The following ACOXL variants were observed in gnomAD, a reference collection of about 807,000 sequenced individuals.
ACOXL encodes acyl-coenzyme A oxidase-like protein.
ACOXL carries 70 observed loss-of-function variants against 71.9 expected under a neutral mutation model. The ratio of observed to expected loss-of-function variants is 0.97; its 90% CI spans 0.80 to 1.19. ACOXL has a LOEUF of 1.19. ACOXL is among the 50% of genes most tolerant of loss of function. The probability of loss-of-function intolerance (pLI) is 0.00; values close to 1 mark genes in which losing one functional copy is unlikely to be tolerated. For missense variants in ACOXL, 703 were observed against 736.3 expected, an observed-to-expected ratio of 0.95 and a Z score of 0.52; for synonymous variants, 253 against 281.6, an observed-to-expected ratio of 0.90 and a Z score of 1.02.
intron 12 of ACOXL, among the ~76,000 whole-genome samples, chr2:110,960,694 T>TG (rs35538999): frequency 0.12 from 16,779 of 137,594 alleles, 1,072 homozygotes; most frequent in Middle Eastern, 0.19. Flanking sequence ...ATAAATTTTC[T>TG]GGGTTTTTTT....
intron 15 of ACOXL, among the ~76,000 whole-genome samples, chr2:111,048,929 G>A (rs902951548): frequency 5.9e-5 from 9 of 152,180 alleles, no homozygotes; most frequent in African/African-American, 2.2e-4. Flanking sequence ...GGGACAAGAT[G>A]ACCCAAAAGG....
chr2:110,808,881 C>T (rs1049911326), intron 9 of ACOXL, among the ~76,000 whole-genome samples: 3 of 152,240 alleles, frequency 2.0e-5, no homozygotes, highest in East Asian at 1.9e-4. Flanking sequence ...AAAAGCTCCA[C>T]GCAGCTGGGG....
intron 12 of ACOXL, among the ~76,000 whole-genome samples, chr2:110,950,705 C>T (rs1177801797): frequency 6.6e-6 from 1 of 151,844 alleles, no homozygotes; most frequent in African/African-American, 2.4e-5. Context: ...TTGTGATCAT[C>T]TTACATCTTA....
chr2:110,750,628 T>C (rs1181922103), intron 1 of ACOXL, among the ~76,000 whole-genome samples: 1 of 149,040 alleles, frequency 6.7e-6, no homozygotes, highest in Non-Finnish European at 1.5e-5. Context: ...ATATACATAT[T>C]ATATATAAAC....
intron 9 of ACOXL, among the ~76,000 whole-genome samples, chr2:110,812,213 C>T (rs1262869917): frequency 6.6e-6 from 1 of 152,172 alleles, no homozygotes; most frequent in African/African-American, 2.4e-5. Context: ...CATATGTTTG[C>T]AGCATTTTGG....
intron 1 of ACOXL, among the ~76,000 whole-genome samples, chr2:110,752,554 T>G (rs561753240): frequency 6.6e-6 from 1 of 151,136 alleles, no homozygotes; most frequent in Non-Finnish European, 1.5e-5. Context: ...AGGGGGATCT[T>G]GTATGCTGGT....
rs193151657 is a variant in ACOXL, at chr2:111,117,811, C to T, written c.1738C>T (p.Leu580Phe). ...CCGGCGGCCCAAGCTGGGAGCCAAG[C>T]TCTAACGGGTGTGGCGGGAAGTGTG... Reference protein sequence around the residue: ...RSRRPKLGAKL With the variant: ...RSRRPKLGAKF Residue 580 changes from leucine (L) to phenylalanine (F), a missense_variant, in exon 18 of 18, where the codon CTC becomes TTC. Leu to Phe is a conservative substitution (Grantham distance 22, BLOSUM62 0). Transcript: ENST00000439055. 23,991 of 1,548,018 alleles carry T rather than the reference C, an allele frequency of 0.015. 271 individuals are homozygous for T. The highest frequency in any genetic ancestry group is 0.019 in the Middle Eastern group (113 of 5,978).
chr2:110,827,290 G>A (rs887504745), intron 9 of ACOXL, among the ~76,000 whole-genome samples: 1 of 152,186 alleles, frequency 6.6e-6, no homozygotes, highest in Admixed American at 6.5e-5. Context: ...CCAGGGTGGG[G>A]CATGGGCTCT....
intron 10 of ACOXL, among the ~76,000 whole-genome samples, chr2:110,844,790 G>A (rs777502510): frequency 3.3e-5 from 5 of 151,714 alleles, no homozygotes; most frequent in African/African-American, 7.3e-5. Flanking sequence ...CAAGGGATCC[G>A]CCCACTTTTG....
At chr2:111,005,634 G>A (rs1223559635) in intron 14 of ACOXL, among the ~76,000 whole-genome samples, 1 of 152,126 alleles carries the variant, frequency 6.6e-6, no homozygotes, top group African/African-American at 2.4e-5. Context: ...GTTTTAGACC[G>A]ACAGTGTCTT....
At chr2:110,752,919 G>T (rs1374012779) in intron 1 of ACOXL, among the ~76,000 whole-genome samples, 1 of 152,124 alleles carries the variant, frequency 6.6e-6, no homozygotes, top group Non-Finnish European at 1.5e-5. Context: ...GTTGGCCCTG[G>T]CTTGACTGGG....
intron 11 of ACOXL, among the ~76,000 whole-genome samples, chr2:110,925,843 T>A: frequency 6.7e-6 from 1 of 150,136 alleles, no homozygotes; most frequent in East Asian, 2.0e-4. Flanking sequence ...CTAGGCTTAA[T>A]TACTTCTAGC....
Position 110,888,650 on chromosome 2 carries a change from G to T in ACOXL, c.789-20139G>T, listed in dbSNP as rs146408165. On this transcript the variant is annotated intron_variant, in intron 10 of 17. Transcript: ENST00000439055. ...TGTCTTGACAGTAGTGCTAGAGGTT[G>T]GTGGCATGGATTTCAATCTGTGTGA... Among the ~76,000 whole-genome samples the T allele has an allele frequency of 1.6e-4, 25 of 152,316 alleles. No individual in the cohort carries two copies. The East Asian group carries it at 4.6e-3, about 28-fold the overall frequency.
chr2:111,010,263 G>A (rs376197375), intron 14 of ACOXL, among the ~76,000 whole-genome samples: 3 of 151,956 alleles, frequency 2.0e-5, no homozygotes, highest in African/African-American at 2.4e-5. Flanking sequence ...ATTGTTGAAC[G>A]ATATGAAAAA....
At chr2:110,861,056 C>T (rs1693895360) in intron 10 of ACOXL, among the ~76,000 whole-genome samples, 1 of 152,158 alleles carries the variant, frequency 6.6e-6, no homozygotes. Context: ...GTCACCTGAA[C>T]CCTGGAGGCG....
intron 15 of ACOXL, among the ~76,000 whole-genome samples, chr2:111,037,933 G>A (rs1039342073): frequency 2.0e-5 from 3 of 152,202 alleles, no homozygotes; most frequent in Non-Finnish European, 2.9e-5. Context: ...AAGTTAGCAC[G>A]TACTGCTTCC....
intron 15 of ACOXL, among the ~76,000 whole-genome samples, chr2:111,047,916 A>G (rs530922978): frequency 1.3e-5 from 2 of 152,260 alleles, no homozygotes; most frequent in African/African-American, 2.4e-5. Flanking sequence ...AACTGATAGC[A>G]GTCAAGATGG....
chr2:110,768,294 C>T (rs910028455), intron 1 of ACOXL, 74 bp from the exon 2 acceptor site: 45 of 1,218,446 alleles, frequency 3.7e-5, no homozygotes, highest in Non-Finnish European at 4.9e-5. Flanking sequence ...TGTCTGAGCC[C>T]GGGGTCAAAG....
intron 10 of ACOXL, among the ~76,000 whole-genome samples, chr2:110,893,672 A>G (rs145256372): frequency 6.6e-5 from 10 of 152,202 alleles, no homozygotes; most frequent in Admixed American, 1.3e-4. Context: ...GAGGAATTGC[A>G]TACAACGGAA....
Sources: gnomAD v4.1 joint callset for allele counts (sites outside exome capture counted in the v4.1 genomes callset) on GRCh38, gnomAD v4.1.1 for gene constraint, MANE v1.5 for transcripts, NCBI Gene and HGNC (gene_info 2026-07-23, HGNC 2026-07-21) for gene names.